Variants in COL4A4 observed in about 807,000 individuals in gnomAD.
COL4A4 encodes collagen type IV alpha 4 chain, also known as collagen alpha-4(IV) chain.
Under a neutral mutation model 192.9 loss-of-function variants are expected in COL4A4, and 105 were observed. That is an observed-to-expected ratio of 0.54 (90% CI 0.46 to 0.64). COL4A4 has a LOEUF of 0.64. Among genes scored for constraint, COL4A4 ranks in the 30% least tolerant of loss-of-function variants. The pLI, the probability that COL4A4 is intolerant of heterozygous loss-of-function variation, is 0.00. For missense variants in COL4A4, 1,967 were observed against 2,169.3 expected, an observed-to-expected ratio of 0.91 and a Z score of 1.85; for synonymous variants, 762 against 769.9, an observed-to-expected ratio of 0.99 and a Z score of 0.17.
intron 4 of COL4A4, among the ~76,000 whole-genome samples, chr2:227,133,827 G>T (rs969737221): frequency 7.2e-5 from 11 of 151,920 alleles, no homozygotes; most frequent in Admixed American, 7.2e-4. Flanking sequence ...GGAGGCAGAG[G>T]TTGCAGTGAG....
intron 22 of COL4A4, among the ~76,000 whole-genome samples, chr2:227,083,654 G>T (rs2059435166): frequency 6.6e-6 from 1 of 152,096 alleles, no homozygotes. Context: ...GGGTCTTGCT[G>T]TATTGCCCAG....
chr2:227,134,995 A>G (rs2062718551), intron 4 of COL4A4, among the ~76,000 whole-genome samples: 1 of 152,198 alleles, frequency 6.6e-6, no homozygotes, highest in Admixed American at 6.5e-5. Context: ...AAGGACATGT[A>G]ATTTTCCCTG....
chr2:227,124,139 G>A (rs945469769), intron 4 of COL4A4, among the ~76,000 whole-genome samples: 1 of 152,090 alleles, frequency 6.6e-6, no homozygotes, highest in Non-Finnish European at 1.5e-5. Flanking sequence ...CACCAGTAGA[G>A]AAACAAAAGA....
chr2:226,986,351 A>G, the COL4A4 span, among the ~76,000 whole-genome samples: 1 of 152,234 alleles, frequency 6.6e-6, no homozygotes, highest in East Asian at 1.9e-4. Flanking sequence ...GAATGTATCA[A>G]TGTTGGTTTC....
chr2:227,147,390 G>C (rs763873587), intron 2 of COL4A4, 23 bp downstream of exon 2: 1 of 1,603,654 alleles, frequency 6.2e-7, no homozygotes, highest in African/African-American at 1.3e-5. Context: ...ATAAAAGCAG[G>C]CAATCACACT....
chr2:227,162,646 T>A (rs2064934891), intron 1 of COL4A4, among the ~76,000 whole-genome samples: 1 of 152,198 alleles, frequency 6.6e-6, no homozygotes, highest in African/African-American at 2.4e-5. Context: ...TTTTTATTAT[T>A]CTACTAAGAA....
At chr2:227,091,568 C>T (rs963112152) in intron 20 of COL4A4, among the ~76,000 whole-genome samples, 1 of 151,912 alleles carries the variant, frequency 6.6e-6, no homozygotes, top group Admixed American at 6.6e-5. Flanking sequence ...AGATTGAATG[C>T]AAAGAAACAC....
chr2:227,103,972 C>T lies in COL4A4; in HGVS notation c.816G>A (p.Lys272=). Residue 272 remains lysine, a splice_region_variant and synonymous_variant, in exon 13 of 48, where the codon AAG becomes AAA. Coordinates refer to ENST00000396625, the MANE Select transcript of COL4A4 (RefSeq NM_000092.5). The stretch of plus-strand genomic sequence containing the variant: ...GGTGACATATGGATTTGGGAATTAC[C>T]TTTTCTCCTTTATAGAGACAAAAGT... ...PPDFCLYKGE[K]GIKGIPGMVG... The T allele has an allele frequency of 1.2e-6, 2 of 1,612,394 alleles. No individual in the cohort carries two copies. Among genetic ancestry groups the T allele is most frequent in the Non-Finnish European group, 1.7e-6 (2 of 1,179,004 alleles).
the COL4A4 span, among the ~76,000 whole-genome samples, chr2:226,991,666 C>T: frequency 6.6e-6 from 1 of 152,182 alleles, no homozygotes; most frequent in Non-Finnish European, 1.5e-5. Flanking sequence ...AACAACCCAA[C>T]AAAGGAGCTA....
chr2:227,028,715 G>A (rs963878573), intron 41 of COL4A4, among the ~76,000 whole-genome samples: 2 of 150,808 alleles, frequency 1.3e-5, no homozygotes, highest in African/African-American at 4.9e-5. Flanking sequence ...GAGTGTAGTG[G>A]CACAATCATT....
intron 37 of COL4A4, among the ~76,000 whole-genome samples, chr2:227,040,161 G>A (rs575352928): frequency 5.9e-5 from 9 of 152,246 alleles, no homozygotes; most frequent in African/African-American, 2.2e-4. Flanking sequence ...CCAGAAGAAG[G>A]GGTTTCCAAC....
chr2:226,970,574 CAG>C, the COL4A4 span, among the ~76,000 whole-genome samples: 3 of 152,206 alleles, frequency 2.0e-5, no homozygotes, highest in South Asian at 2.1e-4. Context: ...TTTCTCTTCT[CAG>C]GGGCTGCTCA....
intron 45 of COL4A4, 73 bp downstream of exon 45, chr2:227,012,108 G>A (rs572070471): frequency 3.2e-4 from 393 of 1,235,188 alleles, no homozygotes; most frequent in Non-Finnish European, 4.5e-4. Flanking sequence ...AAAGCCACTT[G>A]AGAGATCAGA....
At chr2:226,995,354 G>A in the COL4A4 span, 1 of 866,474 alleles carries the variant, frequency 1.2e-6, no homozygotes, top group Non-Finnish European at 1.9e-6. Flanking sequence ...CTATCACTTT[G>A]TTCCCTTGGA....
chr2:227,147,813 ATATAT>A (rs1489665309), intron 1 of COL4A4, among the ~76,000 whole-genome samples: 12 of 148,966 alleles, frequency 8.1e-5, no homozygotes, highest in Non-Finnish European at 1.0e-4. Context: ...AATTATGTGT[ATATAT>A]TATATTTTTA....
chr2:227,055,348 TA>T lies in COL4A4; in HGVS notation c.2716+596del, dbSNP rs111421254. Reference sequence around the variant, plus strand: ...GCTAAAATAGCGAGATCCTGTCTCCTAAAAAAAAAAAAAATTAGGCGTGGTG... The same window carrying T: ...GCTAAAATAGCGAGATCCTGTCTCCTAAAAAAAAAAAAATTAGGCGTGGTG... On this transcript the variant is annotated intron_variant, in intron 30 of 47. Transcript: ENST00000396625. 8.3e-3 allele frequency among the ~76,000 whole-genome samples: 1,153 copies of T among 139,590 alleles called. 14 individuals carry two copies. Among genetic ancestry groups the T allele is most frequent in the African/African-American group, 0.025 (882 of 35,958 alleles). The allele number at this position is 139,590 out of a possible 152,430, so 91.6% of individuals were successfully genotyped here. A position where few individuals can be genotyped will look rare whatever the true frequency, so the allele number is the denominator to read the frequency against.
rs2125233394 is a variant in COL4A4 at position 227,135,937 on chromosome 2, C to G, written c.192+4224G>C. Among the ~76,000 whole-genome samples the G allele has an allele frequency of 1.3e-5, 2 of 152,278 alleles. 1 individual carries two copies. The highest frequency in any genetic ancestry group is 4.2e-4 in the South Asian group (2 of 4,814). On this transcript the variant is annotated intron_variant, in intron 4 of 47. Coordinates refer to ENST00000396625, the MANE Select transcript of COL4A4 (RefSeq NM_000092.5). ...AGGATTACAGGCGTGAACCACCATG[C>G]CTGGCCCCTGAATTTTAGTTTCTTA...
intron 19 of COL4A4, among the ~76,000 whole-genome samples, chr2:227,095,690 T>C (rs1452977909): frequency 2.0e-5 from 3 of 151,316 alleles, no homozygotes; most frequent in Non-Finnish European, 4.4e-5. Context: ...AGGTCAGGAG[T>C]TTGAGACTAG....
chr2:227,043,899 TCC>T (rs1023238258), intron 35 of COL4A4, among the ~76,000 whole-genome samples: 149 of 152,236 alleles, frequency 9.8e-4, no homozygotes, highest in African/African-American at 3.3e-3. Context: ...CATACTTGAA[TCC>T]CCCCAATTAT....
Sources: allele counts gnomAD v4.1 joint callset (sites outside exome capture counted in the v4.1 genomes callset), GRCh38; gene constraint gnomAD v4.1.1; transcripts MANE v1.5; gene names NCBI Gene and HGNC (gene_info 2026-07-23, HGNC 2026-07-21).